PDZRN3: variants seen among roughly 807,000 people sequenced by gnomAD.
The protein encoded by PDZRN3 is PDZ domain containing ring finger 3.
In PDZRN3, 38 loss-of-function variants were observed where a neutral mutation model predicts 85.7. The ratio of observed to expected loss-of-function variants is 0.44; its 90% CI spans 0.34 to 0.58. The LOEUF (loss-of-function observed/expected upper bound fraction) is 0.58, where lower values mean the gene tolerates loss of function less well. PDZRN3 is among the 20% of genes least tolerant of loss of function. PDZRN3 has a pLI of 0.01. For missense variants in PDZRN3, 1,629 were observed against 1,506.4 expected (o/e 1.08, Z -1.35); for synonymous variants, 759 against 638.0 (o/e 1.19, Z -2.86).
At chr3:73,575,327 C>T (rs1250786657) in intron 3 of PDZRN3, among the ~76,000 whole-genome samples, 4 of 152,122 alleles carry the variant, frequency 2.6e-5, no homozygotes, top group Non-Finnish European at 5.9e-5. Context: ...TACCTTATCC[C>T]TCCCAGAAGG....
chr3:73,463,980 A>G (rs111717317), intron 3 of PDZRN3, among the ~76,000 whole-genome samples: 166 of 152,068 alleles, frequency 1.1e-3, no homozygotes, highest in African/African-American at 3.8e-3. Context: ...ATTCTTTTTT[A>G]TTTTTTATTT....
At chr3:73,591,460 GCTCA>G (rs1702355292) in intron 3 of PDZRN3, among the ~76,000 whole-genome samples, 1 of 151,984 alleles carries the variant, frequency 6.6e-6, no homozygotes, top group African/African-American at 2.4e-5. Context: ...AGATACAAAG[GCTCA>G]CTAATATCAA....
chr3:73,505,892 G>C (rs188990114), intron 3 of PDZRN3, among the ~76,000 whole-genome samples: 2 of 152,078 alleles, frequency 1.3e-5, no homozygotes, highest in Admixed American at 1.3e-4. Context: ...CAATCCCTCT[G>C]TAATAAGCAC....
chr3:73,561,913 AT>A (rs769545083), intron 3 of PDZRN3, among the ~76,000 whole-genome samples: 1,241 of 136,254 alleles, frequency 9.1e-3, no homozygotes, highest in African/African-American at 9.8e-3. Flanking sequence ...AACCCAAGTC[AT>A]TTTTTTTTTT....
At chr3:73,569,362 G>A (rs1702008100) in intron 3 of PDZRN3, 2 of 1,202,888 alleles carry the variant, frequency 1.7e-6, no homozygotes, top group Non-Finnish European at 2.1e-6. Context: ...TAGTGAGGAG[G>A]CTGGGAGGGA....
At chr3:73,597,963 T>C (rs1031939571) in intron 3 of PDZRN3, among the ~76,000 whole-genome samples, 1 of 152,108 alleles carries the variant, frequency 6.6e-6, no homozygotes, top group African/African-American at 2.4e-5. Context: ...CTGGCTGGAC[T>C]TACGAAGAGA....
intron 3 of PDZRN3, among the ~76,000 whole-genome samples, chr3:73,417,506 C>A (rs536442970): frequency 1.3e-5 from 2 of 152,176 alleles, no homozygotes; most frequent in Non-Finnish European, 2.9e-5. Flanking sequence ...AGCACAAAAA[C>A]TAACTTTATG....
intron 1 of PDZRN3, among the ~76,000 whole-genome samples, chr3:73,617,868 G>A (rs1196427081): frequency 1.3e-5 from 2 of 152,168 alleles, no homozygotes; most frequent in African/African-American, 4.8e-5. Flanking sequence ...AGCACACCTG[G>A]CTAATTTTTG....
At chr3:73,413,679 G>A (rs992481436) in intron 3 of PDZRN3, among the ~76,000 whole-genome samples, 1 of 152,164 alleles carries the variant, frequency 6.6e-6, no homozygotes, top group African/African-American at 2.4e-5. Flanking sequence ...AGCAAAGGAG[G>A]CCGAGGTGTT....
intron 3 of PDZRN3, among the ~76,000 whole-genome samples, chr3:73,495,153 T>C (rs938530709): frequency 6.6e-6 from 1 of 152,202 alleles, no homozygotes; most frequent in Admixed American, 6.5e-5. Context: ...CTTTACAAAA[T>C]GTAACAATCA....
chr3:73,412,202 A>G (rs761891890), intron 3 of PDZRN3, among the ~76,000 whole-genome samples: 9 of 152,334 alleles, frequency 5.9e-5, no homozygotes, highest in African/African-American at 9.6e-5. Flanking sequence ...AGGTGTGGTT[A>G]GGTTTTTGCA....
At chr3:73,467,229 A>G (rs575658829) in intron 3 of PDZRN3, among the ~76,000 whole-genome samples, 1 of 152,302 alleles carries the variant, frequency 6.6e-6, no homozygotes, top group East Asian at 1.9e-4. Context: ...GTTAAGTCCT[A>G]ATTTTCATGG....
intron 1 of PDZRN3, among the ~76,000 whole-genome samples, chr3:73,611,724 C>T (rs560558964): frequency 3.9e-5 from 6 of 152,180 alleles, no homozygotes; most frequent in Non-Finnish European, 5.9e-5. Context: ...TTTTCCTTTT[C>T]ACTCCTTTCT....
At chr3:73,414,223 T>C (rs1245211925) in intron 3 of PDZRN3, among the ~76,000 whole-genome samples, 1 of 152,344 alleles carries the variant, frequency 6.6e-6, no homozygotes, top group Non-Finnish European at 1.5e-5. Context: ...AAAAATGCTA[T>C]TGGACTTAAT....
At chr3:73,470,633 C>A (rs2068718634) in intron 3 of PDZRN3, among the ~76,000 whole-genome samples, 1 of 152,176 alleles carries the variant, frequency 6.6e-6, no homozygotes, top group South Asian at 2.1e-4. Flanking sequence ...GGGAAATACT[C>A]CTATGCTCCT....
At chr3:73,556,570 T>C (rs1701700420) in intron 3 of PDZRN3, 1 of 152,152 alleles carries the variant, frequency 6.6e-6, no homozygotes, top group Admixed American at 6.5e-5. Context: ...GTGCTGGGGA[T>C]AGAATGTTGG....
intron 3 of PDZRN3, among the ~76,000 whole-genome samples, chr3:73,539,113 G>A (rs59551550): frequency 6.6e-6 from 1 of 152,204 alleles, no homozygotes; most frequent in East Asian, 1.9e-4. Flanking sequence ...ATTTCTCCAT[G>A]GGTCTGCTTC....
chr3:73,469,414 C>T (rs750924280), intron 3 of PDZRN3, among the ~76,000 whole-genome samples: 3 of 152,196 alleles, frequency 2.0e-5, no homozygotes, highest in African/African-American at 4.8e-5. Context: ...ACAACTCTAG[C>T]CACCAGTGGA....
chr3:73,614,782 T>C (rs1376461685), intron 1 of PDZRN3, among the ~76,000 whole-genome samples: 2 of 152,188 alleles, frequency 1.3e-5, no homozygotes, highest in Non-Finnish European at 2.9e-5. Context: ...GAATTGCTGA[T>C]GTCTTCACTC....
Sources: gnomAD v4.1 joint callset for allele counts (sites outside exome capture counted in the v4.1 genomes callset) on GRCh38, gnomAD v4.1.1 for gene constraint, MANE v1.5 for transcripts, NCBI Gene and HGNC (gene_info 2026-07-23, HGNC 2026-07-21) for gene names.